BNC2: variants seen among roughly 807,000 people sequenced by gnomAD.
BNC2 encodes basonuclin zinc finger protein 2.
Under a neutral mutation model 76.3 loss-of-function variants are expected in BNC2, and 20 were observed. That is an observed-to-expected ratio of 0.26 (90% CI 0.18 to 0.38). The LOEUF is 0.38. BNC2 is among the 10% of genes least tolerant of loss of function. BNC2 has a pLI of 1.00. For missense variants in BNC2, 1,382 were observed against 1,399.8 expected (o/e 0.99, Z 0.20); for synonymous variants, 582 against 514.8 (o/e 1.13, Z -1.77).
chr9:16,669,700 G>A (rs191429403), intron 3 of BNC2, among the ~76,000 whole-genome samples: 11 of 152,258 alleles, frequency 7.2e-5, no homozygotes, highest in African/African-American at 2.6e-4. Context: ...CACAAATAGA[G>A]AACTACTTCT....
At chr9:16,659,670 T>C (rs1056027023) in intron 3 of BNC2, among the ~76,000 whole-genome samples, 2 of 152,016 alleles carry the variant, frequency 1.3e-5, no homozygotes, top group Non-Finnish European at 2.9e-5. Context: ...ATTGTTGTTC[T>C]CTCTGCTAGA....
intron 3 of BNC2, among the ~76,000 whole-genome samples, chr9:16,670,156 G>C (rs1178781910): frequency 6.6e-6 from 1 of 152,032 alleles, no homozygotes; most frequent in Non-Finnish European, 1.5e-5. Flanking sequence ...ATATGTCATG[G>C]TTTAATAGAA....
intron 1 of BNC2, among the ~76,000 whole-genome samples, chr9:16,811,181 C>A (rs1336213178): frequency 1.4e-5 from 2 of 147,036 alleles, no homozygotes; most frequent in Non-Finnish European, 3.0e-5. Flanking sequence ...CAAGATCGTG[C>A]CACTGCACTC....
chr9:16,490,128 T>C (rs1822244057), intron 5 of BNC2, among the ~76,000 whole-genome samples: 1 of 152,210 alleles, frequency 6.6e-6, no homozygotes, highest in Admixed American at 6.5e-5. Context: ...GAAAGCTCAC[T>C]GTATTAGTCC....
intron 3 of BNC2, among the ~76,000 whole-genome samples, chr9:16,726,256 T>C (rs1351285960): frequency 2.0e-5 from 3 of 152,196 alleles, no homozygotes; most frequent in African/African-American, 4.8e-5. Flanking sequence ...AGTTACTTAT[T>C]GGGTTGATGT....
At chr9:16,705,089 T>C (rs1183800195) in intron 3 of BNC2, 1 of 152,078 alleles carries the variant, frequency 6.6e-6, no homozygotes, top group Non-Finnish European at 1.5e-5. Context: ...GTGGGTAAAA[T>C]TTTCCAAGGG....
intron 1 of BNC2, among the ~76,000 whole-genome samples, chr9:16,844,656 G>A (rs1035939021): frequency 2.6e-5 from 4 of 151,920 alleles, no homozygotes; most frequent in East Asian, 1.9e-4. Flanking sequence ...CCGCCACCAC[G>A]CCCGGCTAAT....
intron 3 of BNC2, among the ~76,000 whole-genome samples, chr9:16,703,048 C>T (rs1823560991): frequency 6.6e-6 from 1 of 152,066 alleles, no homozygotes; most frequent in African/African-American, 2.4e-5. Flanking sequence ...GAGAAGATTC[C>T]TAAATCAGCT....
At chr9:16,489,828 T>C (rs896400528) in intron 5 of BNC2, among the ~76,000 whole-genome samples, 2 of 152,192 alleles carry the variant, frequency 1.3e-5, no homozygotes, top group Non-Finnish European at 2.9e-5. Context: ...CAAAAGAATG[T>C]TAACAAAACT....
At chr9:16,617,073 A>T (rs1292993339) in intron 3 of BNC2, among the ~76,000 whole-genome samples, 4 of 152,196 alleles carry the variant, frequency 2.6e-5, no homozygotes, top group African/African-American at 7.2e-5. Flanking sequence ...ATCTGGAGTA[A>T]CTATTCAGAC....
chr9:16,705,966 G>C (rs1180075270), intron 3 of BNC2, among the ~76,000 whole-genome samples: 2 of 151,464 alleles, frequency 1.3e-5, no homozygotes, highest in East Asian at 3.9e-4. Flanking sequence ...TCAAAAAACT[G>C]GATTTACTGA....
chr9:16,696,322 G>C (rs1457684439), intron 3 of BNC2, among the ~76,000 whole-genome samples: 3 of 152,098 alleles, frequency 2.0e-5, no homozygotes, highest in Admixed American at 2.0e-4. Flanking sequence ...AAAAATGCTT[G>C]ATAGACACTC....
At chr9:16,723,063 T>A (rs1461250267) in intron 3 of BNC2, among the ~76,000 whole-genome samples, 1 of 152,144 alleles carries the variant, frequency 6.6e-6, no homozygotes, top group Non-Finnish European at 1.5e-5. Context: ...AAATTGGAGG[T>A]CGTAGCCTAG....
intron 2 of BNC2, among the ~76,000 whole-genome samples, chr9:16,732,030 G>A (rs1012909070): frequency 2.7e-4 from 41 of 151,888 alleles, no homozygotes; most frequent in East Asian, 3.9e-4. Flanking sequence ...TCCACCAGCA[G>A]AGTAAAAAAG....
intron 3 of BNC2, among the ~76,000 whole-genome samples, chr9:16,648,962 T>A (rs115711390): frequency 6.6e-6 from 1 of 152,192 alleles, no homozygotes; most frequent in South Asian, 2.1e-4. Flanking sequence ...ACCAATGATA[T>A]CTTTATGTGC....
intron 5 of BNC2, among the ~76,000 whole-genome samples, chr9:16,475,191 A>G (rs565090322): frequency 2.6e-5 from 4 of 152,298 alleles, no homozygotes; most frequent in African/African-American, 9.6e-5. Context: ...TCCAAGCCAT[A>G]ATGTTAGCAG....
chr9:16,772,547 A>G (rs539828016), intron 1 of BNC2, among the ~76,000 whole-genome samples: 1 of 152,218 alleles, frequency 6.6e-6, no homozygotes, highest in East Asian at 1.9e-4. Context: ...TTGAACTGAT[A>G]CTATATGAAG....
intron 1 of BNC2, among the ~76,000 whole-genome samples, chr9:16,777,552 T>C (rs1262443642): frequency 3.3e-5 from 5 of 151,740 alleles, no homozygotes. Context: ...TACAAAAAAA[T>C]TAACCAGGCA....
chr9:16,458,660 C>G (rs10115714), intron 5 of BNC2, among the ~76,000 whole-genome samples: 32,083 of 152,170 alleles, frequency 0.21, 5,826 homozygotes, highest in African/African-American at 0.49. Flanking sequence ...ATGGCAAGAA[C>G]ACACTGACCT....
Sources: gnomAD v4.1 joint callset for allele counts (sites outside exome capture counted in the v4.1 genomes callset) on GRCh38, gnomAD v4.1.1 for gene constraint, MANE v1.5 for transcripts, NCBI Gene and HGNC (gene_info 2026-07-23, HGNC 2026-07-21) for gene names.